POLR2B: variants seen among roughly 807,000 people sequenced by gnomAD.
POLR2B encodes the protein RNA polymerase II subunit B.
POLR2B carries 57 observed loss-of-function variants against 144.6 expected under a neutral mutation model. That is an observed-to-expected ratio of 0.39 (90% confidence interval 0.32 to 0.49). POLR2B has a LOEUF of 0.49. Ranked by LOEUF, POLR2B falls within the 20% of genes least tolerant of loss-of-function variation. POLR2B has a pLI of 0.83. For synonymous variants in POLR2B, 442 were observed against 469.8 expected, an observed-to-expected ratio of 0.94 and a Z score of 0.77; for missense variants, 595 against 1,467.4, an observed-to-expected ratio of 0.41 and a Z score of 9.71.
intron 23 of POLR2B, among the ~76,000 whole-genome samples, chr4:57,026,170 G>A (rs760486590): frequency 2.0e-5 from 3 of 151,362 alleles, no homozygotes; most frequent in African/African-American, 4.9e-5. Flanking sequence ...CCTGGGAGGC[G>A]GAGGTTGCAG....
rs1391533740 is a variant in POLR2B, at chr4:57,025,510, A to G, written c.3212A>G (p.Asn1071Ser). 11 of 1,608,500 alleles carry G rather than the reference A, an allele frequency of 6.8e-6. No individual in the cohort carries two copies. The highest frequency in any genetic ancestry group is 1.1e-5 in the South Asian group (1 of 90,956). ...GCTAGGGGACCTATTCAGATCCTCA[A>G]TAGACAGCCCATGGAGGGTAGATCT... ...SRARGPIQIL[N>S]RQPMEGRSRD... is the part of the protein sequence containing the mutation. Residue 1071 changes from asparagine (N) to serine (S), a missense_variant, in exon 23 of 25, where the codon AAT becomes AGT. Asn to Ser is a conservative substitution (Grantham distance 46). Around this residue, in one of 9 missense-constraint regions of POLR2B, gnomAD observed 65 missense variants for 282.8 expected, o/e 0.23. Transcript: ENST00000314595.
intron 24 of POLR2B, 200 bp from the exon 25 acceptor site, chr4:57,030,699 A>G (rs1723888151): frequency 1.8e-6 from 1 of 564,064 alleles, no homozygotes. Flanking sequence ...GTGAATATAA[A>G]TTATGTCTGG....
intron 2 of POLR2B, among the ~76,000 whole-genome samples, chr4:56,988,674 A>G (rs78933653): frequency 0.14 from 21,940 of 152,210 alleles, 1,896 homozygotes; most frequent in East Asian, 0.4. Flanking sequence ...GCCATTTAAG[A>G]GTAAACTTTT....
At chr4:56,987,230 C>T (rs1393341246) in intron 2 of POLR2B, among the ~76,000 whole-genome samples, 1 of 152,120 alleles carries the variant, frequency 6.6e-6, no homozygotes, top group Non-Finnish European at 1.5e-5. Flanking sequence ...TTGGTTTTCT[C>T]ATTATTTTAA....
chr4:57,016,282 C>T (rs931596271), intron 14 of POLR2B, among the ~76,000 whole-genome samples: 1 of 151,988 alleles, frequency 6.6e-6, no homozygotes, highest in Non-Finnish European at 1.5e-5. Flanking sequence ...TGTAGTGGCT[C>T]ATGCCTGTAA....
intron 23 of POLR2B, among the ~76,000 whole-genome samples, chr4:57,025,871 A>C (rs1274641255): frequency 6.6e-6 from 1 of 151,756 alleles, no homozygotes; most frequent in Admixed American, 6.6e-5. Flanking sequence ...TCCTTTTTTG[A>C]ATTTATTGGT....
chr4:56,985,332 T>C (rs1245041315), intron 1 of POLR2B: 26 of 985,330 alleles, frequency 2.6e-5, no homozygotes, highest in Non-Finnish European at 3.1e-5. Flanking sequence ...GACCGCCCAT[T>C]CCGTGCCCGG....
rs568324163 is a variant in POLR2B, at chr4:56,986,356, A to G, written c.22A>G (p.Met8Val). MYDADED[M>V]QYDEDDDEIT... ...GTACAATATTTTTGTTTTTACAGATATGCAATATGATGAGGATGATGATGA... is the reference window on the plus strand; with the variant it reads ...GTACAATATTTTTGTTTTTACAGATGTGCAATATGATGAGGATGATGATGA... The change falls in exon 2 of 25, where the codon ATG becomes GTG. Residue 8 changes from methionine to valine, a missense_variant and splice_region_variant. By Grantham distance (21) the Met-to-Val change is conservative. This residue lies in a region of POLR2B where 25 missense variants were observed against 26.1 expected (regional missense o/e 0.96). Coordinates refer to ENST00000314595, the MANE Select transcript of POLR2B (RefSeq NM_000938.3). 4.6e-5 allele frequency: 73 copies of G among 1,600,174 alleles called. No individual in the cohort carries two copies. The highest frequency in any genetic ancestry group is 6.0e-5 in the Non-Finnish European group (70 of 1,167,640).
At chr4:56,996,260 G>GTATATATA (rs747288554) in intron 6 of POLR2B, among the ~76,000 whole-genome samples, 3 of 71,914 alleles carry the variant, frequency 4.2e-5, no homozygotes, top group South Asian at 1.1e-3. Context: ...GTGTGTGTGT[G>GTATATATA]TGTATATATA....
chr4:57,018,545 G>A (rs1723437878), intron 16 of POLR2B, among the ~76,000 whole-genome samples: 1 of 152,104 alleles, frequency 6.6e-6, no homozygotes, highest in Non-Finnish European at 1.5e-5. Flanking sequence ...GAACATGTTA[G>A]AAGGGGAAAG....
intron 1 of POLR2B, among the ~76,000 whole-genome samples, chr4:56,982,797 G>A (rs1402656721): frequency 6.6e-6 from 1 of 152,128 alleles, no homozygotes; most frequent in Non-Finnish European, 1.5e-5. Context: ...TTAAGCATCT[G>A]TGTTTGGTAT....
intron 21 of POLR2B, among the ~76,000 whole-genome samples, 200 bp from the exon 22 acceptor site, chr4:57,024,686 G>A (rs1342694168): frequency 1.3e-5 from 2 of 152,018 alleles, no homozygotes; most frequent in South Asian, 4.2e-4. Context: ...TTTGTGTAAG[G>A]TTATAAAATG....
chr4:57,023,440 A>G lies in POLR2B; in HGVS notation c.2626A>G (p.Asn876Asp), dbSNP rs765793924. Residue 876 changes from asparagine to aspartate, a missense_variant, in exon 19 of 25, where the codon AAT becomes GAT. Asn to Asp is a conservative substitution (Grantham distance 23). Transcript: ENST00000314595. The surrounding 1 kb of genome is among the most constrained non-coding windows in gnomAD (Gnocchi z 4.3). ...AGGCAAAACAGTCACCTTGCCTGAA[A>G]ATGAAGATGAATTGGAGAGCACCAA... is the stretch of plus-strand genomic sequence containing the variant. ...IIGKTVTLPE[N>D]EDELESTNRR... 7 of 1,614,014 alleles carry G rather than the reference A, an allele frequency of 4.3e-6. No individual in the cohort carries two copies. In the South Asian group the frequency reaches 4.4e-5, roughly 10 times the overall value.
chr4:57,025,090 T>G, intron 22 of POLR2B, 91 bp downstream of exon 22: 1 of 708,422 alleles, frequency 1.4e-6, no homozygotes, highest in Non-Finnish European at 2.4e-6. Flanking sequence ...TTTATTGAAG[T>G]ATCATATGTG....
intron 1 of POLR2B, among the ~76,000 whole-genome samples, chr4:56,983,282 A>G (rs1028053819): frequency 7.0e-6 from 1 of 143,056 alleles, no homozygotes; most frequent in African/African-American, 2.6e-5. Flanking sequence ...GTTTTTTTCT[A>G]TTTGGTAGGA....
chr4:57,026,187 G>A (rs1032437632), intron 23 of POLR2B, among the ~76,000 whole-genome samples: 4 of 151,632 alleles, frequency 2.6e-5, no homozygotes, highest in Non-Finnish European at 5.9e-5. Context: ...GCAGTGAGCC[G>A]AGATCACACC....
chr4:57,018,520 G>A (rs1417093863), intron 16 of POLR2B, among the ~76,000 whole-genome samples: 1 of 151,950 alleles, frequency 6.6e-6, no homozygotes, highest in Non-Finnish European at 1.5e-5. Context: ...TAGGTTGGGG[G>A]AAAAATAAGA....
chr4:57,008,206 G>GTTT (rs59219952), intron 10 of POLR2B, among the ~76,000 whole-genome samples: 45 of 137,126 alleles, frequency 3.3e-4, no homozygotes, highest in African/African-American at 5.7e-4. Flanking sequence ...CAAGGAATTG[G>GTTT]TTTTTTTTTT....
At chr4:57,029,789 C>T (rs933351833) in intron 23 of POLR2B, among the ~76,000 whole-genome samples, 1 of 152,240 alleles carries the variant, frequency 6.6e-6, no homozygotes, top group Admixed American at 6.5e-5. Flanking sequence ...CATGATGAAC[C>T]TCCACTCTAT....
Sources: allele counts gnomAD v4.1 joint callset (sites outside exome capture counted in the v4.1 genomes callset), GRCh38; gene constraint gnomAD v4.1.1; regional missense constraint gnomAD v4.1.1; non-coding constraint Gnocchi (gnomAD v3.1); transcripts MANE v1.5; gene names NCBI Gene and HGNC (gene_info 2026-07-23, HGNC 2026-07-21).